Variants in VWA3B observed in about 807,000 individuals in gnomAD.
VWA3B encodes the protein von Willebrand factor A domain-containing protein 3B.
In VWA3B, 138 loss-of-function variants were observed where a neutral mutation model predicts 158.3. The ratio of observed to expected loss-of-function variants is 0.87; its 90% CI spans 0.76 to 1.00. The LOEUF (loss-of-function observed/expected upper bound fraction) is 1.00, where lower values mean the gene tolerates loss of function less well. Ranked by LOEUF, VWA3B falls within the 50% of genes least tolerant of loss-of-function variation. The pLI is 0.00. For synonymous variants in VWA3B, 596 were observed against 587.3 expected (o/e 1.01, Z -0.21); for missense variants, 1,555 against 1,565.1 (o/e 0.99, Z 0.11).
intron 13 of VWA3B, among the ~76,000 whole-genome samples, chr2:98,212,662 GATGGTTTGCATAT>G (rs1683630646): frequency 1.3e-5 from 2 of 152,238 alleles, no homozygotes; most frequent in Non-Finnish European, 2.9e-5. Flanking sequence ...TTCCTTGTGA[GATGGTTTGCATAT>G]GCAGACTGCT....
chr2:98,093,777 T>A (rs1682522485), intron 2 of VWA3B, among the ~76,000 whole-genome samples: 1 of 152,100 alleles, frequency 6.6e-6, no homozygotes, highest in Non-Finnish European at 1.5e-5. Context: ...ATCCTTTGAC[T>A]AACATCTTCC....
At chr2:98,202,821 G>GTTTATTTA (rs374333108) in intron 12 of VWA3B, among the ~76,000 whole-genome samples, 21 of 151,600 alleles carry the variant, frequency 1.4e-4, no homozygotes, top group Non-Finnish European at 3.0e-4. Context: ...CTAGGTTGAG[G>GTTTATTTA]TTTATTTATT....
chr2:98,161,976 C>T (rs1451589364), intron 7 of VWA3B, among the ~76,000 whole-genome samples: 1 of 152,186 alleles, frequency 6.6e-6, no homozygotes, highest in African/African-American at 2.4e-5. Context: ...CAAAGTTTTA[C>T]AGGATTACAG....
At chr2:98,258,582 G>GT (rs1397077193) in intron 21 of VWA3B, among the ~76,000 whole-genome samples, 1 of 151,460 alleles carries the variant, frequency 6.6e-6, no homozygotes, top group African/African-American at 2.4e-5. Context: ...CTGTTATTTT[G>GT]TTCTTTTGGG....
intron 7 of VWA3B, among the ~76,000 whole-genome samples, chr2:98,141,524 C>G (rs1470239975): frequency 6.6e-6 from 1 of 152,006 alleles, no homozygotes; most frequent in East Asian, 1.9e-4. Flanking sequence ...GGGAGGGCAC[C>G]AAGTCATTCA....
At chr2:98,117,718 A>G (rs1176610712) in intron 3 of VWA3B, among the ~76,000 whole-genome samples, 1 of 144,076 alleles carries the variant, frequency 6.9e-6, no homozygotes. Context: ...AGATGCACCC[A>G]CTACTTACTT....
intron 19 of VWA3B, among the ~76,000 whole-genome samples, chr2:98,248,827 CTTT>C (rs1686572743): frequency 1.8e-4 from 2 of 11,086 alleles, no homozygotes; most frequent in African/African-American, 1.8e-3. Context: ...CTTTCTTTTT[CTTT>C]CTTTCTTTCT....
At chr2:98,147,188 T>C (rs1677234240) in intron 7 of VWA3B, among the ~76,000 whole-genome samples, 1 of 152,234 alleles carries the variant, frequency 6.6e-6, no homozygotes, top group Non-Finnish European at 1.5e-5. Context: ...TCTCCTGATG[T>C]AATTAATTAG....
chr2:98,225,117 A>G lies in VWA3B; in HGVS notation c.2020-3085A>G, dbSNP rs191198343. ...TGCCCAGCTAATTTGTATTTTTAATAGAGACGGGGTTTCCCCATGTTGGCC... is the reference window on the plus strand; with the variant it reads ...TGCCCAGCTAATTTGTATTTTTAATGGAGACGGGGTTTCCCCATGTTGGCC... On this transcript the variant is annotated intron_variant, in intron 14 of 27. Coordinates refer to ENST00000477737, the MANE Select transcript of VWA3B (RefSeq NM_144992.5). 6.6e-5 allele frequency among the ~76,000 whole-genome samples: 10 copies of G among 152,340 alleles called. No individual in the cohort carries two copies. The East Asian group carries it at 1.9e-3, about 29-fold the overall frequency.
chr2:98,120,480 A>G lies in VWA3B; in HGVS notation c.542+717A>G, dbSNP rs79703639. On this transcript the variant is annotated intron_variant, in intron 4 of 27. Coordinates refer to ENST00000477737, the MANE Select transcript of VWA3B (RefSeq NM_144992.5). ...AGCTTCCTATTTCTGTCACAGGTGT[A>G]TTACTGAAGGAATCAAGTGCTTAAG... Among the ~76,000 whole-genome samples the G allele has an allele frequency of 5.1e-3, 777 of 152,300 alleles. 15 individuals are homozygous for G. In the East Asian group the frequency reaches 0.088, roughly 17 times the overall value.
At chr2:98,126,034 G>C (rs7603969) in intron 5 of VWA3B, among the ~76,000 whole-genome samples, 5,739 of 152,180 alleles carry the variant, frequency 0.038, 263 homozygotes, top group African/African-American at 0.11. Flanking sequence ...ACAGGAGAGT[G>C]GGGGGGATAG....
chr2:98,250,502 C>A, intron 20 of VWA3B, 66 bp downstream of exon 20: 3 of 1,157,054 alleles, frequency 2.6e-6, no homozygotes, highest in South Asian at 1.7e-5. Context: ...GGAGACTTCT[C>A]TTGTTTTAGC....
intron 19 of VWA3B, among the ~76,000 whole-genome samples, chr2:98,237,516 T>A (rs1364665588): frequency 6.6e-6 from 1 of 152,052 alleles, no homozygotes; most frequent in African/African-American, 2.4e-5. Context: ...AAAAACAGCT[T>A]CCAATGGGAG....
downstream of VWA3B, among the ~76,000 whole-genome samples, chr2:98,315,555 G>A (rs1691069023): frequency 6.6e-6 from 1 of 152,192 alleles, no homozygotes; most frequent in South Asian, 2.1e-4. Context: ...ATTAAGTGAT[G>A]TAAAAAAGAT....
In VWA3B at chr2:98,312,198, A is replaced by G. The variant is rs1450135665; in HGVS notation, c.3736-2A>G. 6.2e-7 allele frequency: 1 copy of G among 1,614,158 alleles called. No homozygotes were observed. The highest frequency in any genetic ancestry group is 8.5e-7 in the Non-Finnish European group (1 of 1,180,028). ...AAGTAATGCTGAACTCTGCTTCCCCAGACAGCCCACCTCCACTTCCCCGCG... is the reference window on the plus strand; with the variant it reads ...AAGTAATGCTGAACTCTGCTTCCCCGGACAGCCCACCTCCACTTCCCCGCG... On this transcript the variant is annotated splice_acceptor_variant, in intron 27 of 27. Coordinates refer to ENST00000477737, the MANE Select transcript of VWA3B (RefSeq NM_144992.5). LOFTEE classifies it high-confidence loss of function.
At chr2:98,169,087 C>T (rs1278585357) in intron 8 of VWA3B, among the ~76,000 whole-genome samples, 3 of 152,122 alleles carry the variant, frequency 2.0e-5, no homozygotes, top group Admixed American at 1.3e-4. Flanking sequence ...ATCTTAAAAG[C>T]AGCCAGAACA....
At chr2:98,303,604 C>A in intron 25 of VWA3B, 98 bp from the exon 26 acceptor site, 3 of 1,103,294 alleles carry the variant, frequency 2.7e-6, no homozygotes, top group Non-Finnish European at 4.1e-6. Flanking sequence ...AGGATAATGA[C>A]TAGAAGCTAT....
intron 2 of VWA3B, among the ~76,000 whole-genome samples, chr2:98,114,750 T>C (rs1204918910): frequency 6.6e-6 from 1 of 152,212 alleles, no homozygotes; most frequent in African/African-American, 2.4e-5. Flanking sequence ...ATCCTCTCCA[T>C]AGGCTTCTGA....
chr2:98,099,231 AT>A (rs2104841612), intron 2 of VWA3B: 1 of 152,262 alleles, frequency 6.6e-6, no homozygotes, highest in South Asian at 2.1e-4. Flanking sequence ...AGCTTGAAGA[AT>A]TCCCTTTAGC....
Sources: gnomAD v4.1 joint callset for allele counts (sites outside exome capture counted in the v4.1 genomes callset) on GRCh38, gnomAD v4.1.1 for gene constraint, MANE v1.5 for transcripts, NCBI Gene and HGNC (gene_info 2026-07-23, HGNC 2026-07-21) for gene names.